The following DLGAP1 variants were observed in gnomAD, a reference collection of about 807,000 sequenced individuals.
The protein encoded by DLGAP1 is disks large-associated protein 1.
A neutral mutation model predicts 90.8 loss-of-function variants in DLGAP1; 11 were observed. That is an observed-to-expected ratio of 0.12 (90% confidence interval 0.08 to 0.20). DLGAP1 has a LOEUF of 0.20. DLGAP1 is among the 10% of genes least tolerant of loss of function. The probability of loss-of-function intolerance (pLI) is 1.00; values close to 1 mark genes in which losing one functional copy is unlikely to be tolerated. For missense variants in DLGAP1, 1,050 were observed against 1,333.8 expected, an observed-to-expected ratio of 0.79 and a Z score of 3.31; for synonymous variants, 558 against 540.7, an observed-to-expected ratio of 1.03 and a Z score of -0.44.
chr18:4,057,004 TACACACACACACACACAC>T (rs55887550), intron 2 of DLGAP1, among the ~76,000 whole-genome samples: 5,766 of 115,092 alleles, frequency 0.05, 407 homozygotes, highest in African/African-American at 0.16. Flanking sequence ...TGACCATACA[TACACACACACACACACAC>T]ACACACACAC....
chr18:3,581,122 G>C (rs1367689242), intron 8 of DLGAP1, among the ~76,000 whole-genome samples: 1 of 152,156 alleles, frequency 6.6e-6, no homozygotes, highest in Non-Finnish European at 1.5e-5. Context: ...CCCGCTTGCT[G>C]CCTTCAGCCA....
chr18:4,143,653 A>G (rs867081213), intron 2 of DLGAP1, among the ~76,000 whole-genome samples: 1 of 151,910 alleles, frequency 6.6e-6, no homozygotes, highest in Non-Finnish European at 1.5e-5. Context: ...AGTCCACTTT[A>G]CTTTCCCCTC....
chr18:4,299,838 T>A (rs2080080954), intron 1 of DLGAP1, among the ~76,000 whole-genome samples: 1 of 152,176 alleles, frequency 6.6e-6, no homozygotes, highest in East Asian at 1.9e-4. Flanking sequence ...AAAAGTGATG[T>A]TTTTAACTAT....
chr18:3,764,256 C>T (rs2064111890), intron 5 of DLGAP1, among the ~76,000 whole-genome samples: 2 of 152,190 alleles, frequency 1.3e-5, no homozygotes, highest in African/African-American at 4.8e-5. Flanking sequence ...TCTTAACCAT[C>T]CTGTACCCTC....
At chr18:3,613,331 TCCG>T (rs971036093) in intron 7 of DLGAP1, among the ~76,000 whole-genome samples, 5 of 152,064 alleles carry the variant, frequency 3.3e-5, no homozygotes, top group African/African-American at 1.2e-4. Flanking sequence ...TTTATTGTCT[TCCG>T]TTTTGTTTTG....
In DLGAP1 at chr18:3,802,312, C is replaced by T. The variant is rs1256505514; in HGVS notation, c.1172+11747G>A. 4.6e-5 allele frequency among the ~76,000 whole-genome samples: 7 copies of T among 152,222 alleles called. No homozygotes were observed. The South Asian group carries it at 1.0e-3, about 22-fold the overall frequency. ...GGCCATCTTTCTAAAACAACACTTA[C>T]ATCACTTCATTATCTGGCTCGGCTA... On this transcript the variant is annotated intron_variant, in intron 5 of 12. Transcript: ENST00000315677.
intron 2 of DLGAP1, among the ~76,000 whole-genome samples, chr18:4,090,425 C>G (rs532386040): frequency 1.3e-5 from 2 of 152,000 alleles, no homozygotes; most frequent in African/African-American, 4.8e-5. Flanking sequence ...CATCAAAAAG[C>G]GGGCAAAGGA....
intron 1 of DLGAP1, among the ~76,000 whole-genome samples, chr18:4,167,796 C>T (rs909597686): frequency 4.6e-5 from 7 of 152,288 alleles, no homozygotes; most frequent in African/African-American, 1.7e-4. Context: ...TTTCTACATA[C>T]TAACAGTGAA....
intron 2 of DLGAP1, among the ~76,000 whole-genome samples, chr18:4,042,535 C>T (rs1381757694): frequency 2.0e-5 from 3 of 152,044 alleles, no homozygotes; most frequent in African/African-American, 4.8e-5. Context: ...GTCAGGAGTT[C>T]GAGACAAGCC....
intron 2 of DLGAP1, among the ~76,000 whole-genome samples, chr18:4,122,755 G>A (rs1273855180): frequency 1.3e-5 from 2 of 152,150 alleles, no homozygotes; most frequent in Non-Finnish European, 2.9e-5. Flanking sequence ...TCCTAAGGTT[G>A]TAAAGCTGGA....
chr18:4,232,494 A>G (rs1021374792), intron 1 of DLGAP1, among the ~76,000 whole-genome samples: 6 of 152,174 alleles, frequency 3.9e-5, no homozygotes, highest in African/African-American at 1.4e-4. Context: ...TGAATGTGTC[A>G]TTTTATGAAT....
At chr18:4,315,460 A>G (rs1409068595) in intron 1 of DLGAP1, among the ~76,000 whole-genome samples, 1 of 152,186 alleles carries the variant, frequency 6.6e-6, no homozygotes, top group Non-Finnish European at 1.5e-5. Flanking sequence ...TTATATTTTA[A>G]CCACTCTCAA....
chr18:3,600,465 A>T (rs1364633591), intron 7 of DLGAP1, among the ~76,000 whole-genome samples: 1 of 151,626 alleles, frequency 6.6e-6, no homozygotes, highest in Non-Finnish European at 1.5e-5. Flanking sequence ...CGAACCCCGG[A>T]CCTCAGGTGA....
intron 1 of DLGAP1, among the ~76,000 whole-genome samples, chr18:4,290,875 C>T (rs1451647426): frequency 6.6e-6 from 1 of 152,058 alleles, no homozygotes; most frequent in Non-Finnish European, 1.5e-5. Flanking sequence ...GAACTTCTGG[C>T]CACCTTGATG....
chr18:4,365,381 T>A (rs985795912), intron 1 of DLGAP1, among the ~76,000 whole-genome samples: 1 of 152,086 alleles, frequency 6.6e-6, no homozygotes, highest in East Asian at 1.9e-4. Context: ...AGAAAGCAGA[T>A]TACTGGTTGC....
At chr18:3,803,225 A>G (rs1044026860) in intron 5 of DLGAP1, among the ~76,000 whole-genome samples, 17 of 152,152 alleles carry the variant, frequency 1.1e-4, no homozygotes, top group African/African-American at 1.7e-4. Flanking sequence ...GCTCCTTTCA[A>G]TGAAGAAATG....
chr18:3,506,304 A>C (rs1371644842), intron 11 of DLGAP1, among the ~76,000 whole-genome samples: 1 of 151,966 alleles, frequency 6.6e-6, no homozygotes, highest in Non-Finnish European at 1.5e-5. Context: ...ACCTGAGGTC[A>C]GGAGTCCGAG....
At chr18:3,619,023 C>T (rs2057998902) in intron 7 of DLGAP1, among the ~76,000 whole-genome samples, 1 of 151,994 alleles carries the variant, frequency 6.6e-6, no homozygotes, top group African/African-American at 2.4e-5. Context: ...AGAAGAGAGA[C>T]AGCAGGACCT....
At chr18:3,744,471 C>T (rs2063184566) in intron 5 of DLGAP1, among the ~76,000 whole-genome samples, 1 of 152,070 alleles carries the variant, frequency 6.6e-6, no homozygotes, top group Admixed American at 6.6e-5. Context: ...AAAAAACCCC[C>T]ACAACAATTT....
Sources: gnomAD v4.1 joint callset for allele counts (sites outside exome capture counted in the v4.1 genomes callset) on GRCh38, gnomAD v4.1.1 for gene constraint, MANE v1.5 for transcripts, NCBI Gene and HGNC (gene_info 2026-07-23, HGNC 2026-07-21) for gene names.